NEDD4L: variants seen among roughly 807,000 people sequenced by gnomAD.
NEDD4L encodes NEDD4 like E3 ubiquitin protein ligase.
NEDD4L carries 54 observed loss-of-function variants against 148.9 expected under a neutral mutation model. That is an observed-to-expected ratio of 0.36 (90% confidence interval 0.29 to 0.45). The LOEUF (loss-of-function observed/expected upper bound fraction) is 0.45, where lower values mean the gene tolerates loss of function less well. Ranked by LOEUF, NEDD4L falls within the 20% of genes least tolerant of loss-of-function variation. The pLI is 1.00. For synonymous variants in NEDD4L, 433 were observed against 440.7 expected (o/e 0.98, Z 0.22); for missense variants, 856 against 1,233.8 (o/e 0.69, Z 4.59).
intron 2 of NEDD4L, among the ~76,000 whole-genome samples, chr18:58,205,079 A>G (rs987393429): frequency 1.6e-4 from 25 of 152,242 alleles, no homozygotes; most frequent in Non-Finnish European, 3.1e-4. Flanking sequence ...CCATAACCAT[A>G]AGATATTCTA....
At chr18:58,195,966 A>T (rs889559719) in intron 2 of NEDD4L, among the ~76,000 whole-genome samples, 2 of 152,242 alleles carry the variant, frequency 1.3e-5, no homozygotes, top group African/African-American at 4.8e-5. Flanking sequence ...TTTAACCTGT[A>T]TCATCTTGTT....
intron 2 of NEDD4L, among the ~76,000 whole-genome samples, chr18:58,176,067 T>G (rs2146854611): frequency 6.6e-6 from 1 of 152,346 alleles, no homozygotes; most frequent in Admixed American, 6.5e-5. Flanking sequence ...TGTGCCATGT[T>G]CAGTATACAC....
intron 5 of NEDD4L, among the ~76,000 whole-genome samples, chr18:58,314,778 A>C (rs1029890998): frequency 6.6e-6 from 1 of 152,140 alleles, no homozygotes; most frequent in Non-Finnish European, 1.5e-5. Context: ...TATTATCCAG[A>C]ATGGATTGTT....
At chr18:58,300,922 C>T (rs1320167217) in intron 5 of NEDD4L, among the ~76,000 whole-genome samples, 2 of 152,172 alleles carry the variant, frequency 1.3e-5, no homozygotes, top group African/African-American at 2.4e-5. Flanking sequence ...AAAATAGACA[C>T]TAAGGGCAAA....
At chr18:58,369,010 G>A (rs960779868) in intron 22 of NEDD4L, among the ~76,000 whole-genome samples, 1 of 152,222 alleles carries the variant, frequency 6.6e-6, no homozygotes, top group Non-Finnish European at 1.5e-5. Context: ...TAATAGAGAA[G>A]CATAAGATAT....
intron 23 of NEDD4L, among the ~76,000 whole-genome samples, chr18:58,371,203 A>ATTTTTTTTTTTTTTTTTTTTTTTT (rs34960405): frequency 2.2e-5 from 2 of 92,988 alleles, no homozygotes; most frequent in Non-Finnish European, 3.9e-5. Flanking sequence ...TGCCTGGCTA[A>ATTTTTTTTTTTTTTTTTTTTTTTT]TTTTTTTTTT....
At chr18:58,379,772 C>T (rs4940674) in intron 24 of NEDD4L, among the ~76,000 whole-genome samples, 47,624 of 151,930 alleles carry the variant, frequency 0.31, 8,122 homozygotes, top group African/African-American at 0.45. Flanking sequence ...ATGAAAGTGT[C>T]GCCGTAACTC....
At chr18:58,077,357 G>A (rs1468656781) in intron 1 of NEDD4L, among the ~76,000 whole-genome samples, 1 of 151,700 alleles carries the variant, frequency 6.6e-6, no homozygotes, top group African/African-American at 2.4e-5. Context: ...TATAGAGATA[G>A]GCTTTTGCCA....
At chr18:58,252,138 A>T in intron 5 of NEDD4L, 84 bp downstream of exon 5, 1 of 894,018 alleles carries the variant, frequency 1.1e-6, no homozygotes, top group Non-Finnish European at 1.9e-6. Flanking sequence ...CTCTGTGTTT[A>T]TGTTGTACTT....
At chr18:58,285,610 C>T (rs2053785959) in intron 5 of NEDD4L, among the ~76,000 whole-genome samples, 1 of 152,164 alleles carries the variant, frequency 6.6e-6, no homozygotes, top group South Asian at 2.1e-4. Flanking sequence ...CCAAAGCTAG[C>T]CCAGCCTAAG....
In NEDD4L at chr18:58,321,689, G is replaced by C. The variant is rs2058788881; in HGVS notation, c.349-736G>C. Among the ~76,000 whole-genome samples, 2 of 152,316 alleles carry C rather than the reference G, an allele frequency of 1.3e-5. 1 individual carries two copies. The highest frequency in any genetic ancestry group is 4.1e-4 in the South Asian group (2 of 4,826). ...AAATCACTGGACTGGTTTATCTCTT[G>C]CTATAAAAGTATTTGAAATTGTGTT... On this transcript the variant is annotated intron_variant, in intron 6 of 30. Coordinates refer to ENST00000400345, the MANE Select transcript of NEDD4L (RefSeq NM_001144967.3).
chr18:58,193,602 C>T (rs1203136376), intron 2 of NEDD4L, among the ~76,000 whole-genome samples: 1 of 152,226 alleles, frequency 6.6e-6, no homozygotes, highest in Non-Finnish European at 1.5e-5. Flanking sequence ...ACGGCCTTCA[C>T]GTCATCTGGT....
chr18:58,171,468 A>C (rs1214550680), intron 2 of NEDD4L, among the ~76,000 whole-genome samples: 2 of 152,172 alleles, frequency 1.3e-5, no homozygotes, highest in South Asian at 4.1e-4. Flanking sequence ...CCAAGGGGAC[A>C]GAACACTGCT....
At chr18:58,307,806 A>G (rs2057242226) in intron 5 of NEDD4L, among the ~76,000 whole-genome samples, 1 of 152,216 alleles carries the variant, frequency 6.6e-6, no homozygotes, top group Non-Finnish European at 1.5e-5. Context: ...ACCCAAATCC[A>G]AATCATTTCT....
intron 1 of NEDD4L, chr18:58,149,466 A>G: frequency 6.5e-7 from 1 of 1,549,084 alleles, no homozygotes; most frequent in Non-Finnish European, 8.7e-7. Flanking sequence ...TACTCTTCAG[A>G]ACTTGCTCTG....
At chr18:58,197,675 C>T (rs1330136039) in intron 2 of NEDD4L, 1 of 152,658 alleles carries the variant, frequency 6.6e-6, no homozygotes, top group Admixed American at 6.5e-5. Flanking sequence ...CATGTGATCC[C>T]TTCCCTGCCA....
intron 1 of NEDD4L, among the ~76,000 whole-genome samples, chr18:58,119,613 A>G (rs570452451): frequency 1.3e-4 from 20 of 152,326 alleles, no homozygotes; most frequent in African/African-American, 4.6e-4. Flanking sequence ...TAAGCGGTGT[A>G]GCTTTATAAC....
intron 1 of NEDD4L, among the ~76,000 whole-genome samples, chr18:58,058,529 C>G (rs1167149008): frequency 6.6e-6 from 1 of 152,186 alleles, no homozygotes; most frequent in African/African-American, 2.4e-5. Flanking sequence ...GATACAAAAT[C>G]TTTGATAGGG....
chr18:58,255,338 T>A, intron 5 of NEDD4L: 1 of 281,478 alleles, frequency 3.6e-6, no homozygotes, highest in Non-Finnish European at 6.2e-6. Flanking sequence ...AAAGAGCGAG[T>A]AGGGGAAAAC....
Sources: gnomAD v4.1 joint callset for allele counts (sites outside exome capture counted in the v4.1 genomes callset) on GRCh38, gnomAD v4.1.1 for gene constraint, MANE v1.5 for transcripts, NCBI Gene and HGNC (gene_info 2026-07-23, HGNC 2026-07-21) for gene names.